Variants in AGAP1 observed in about 807,000 individuals in gnomAD.
AGAP1 encodes arf-GAP with GTPase, ANK repeat and PH domain-containing protein 1.
AGAP1 carries 29 observed loss-of-function variants against 105.3 expected under a neutral mutation model. The observed-to-expected ratio is 0.28, with a 90% CI of 0.21 to 0.38. The LOEUF (loss-of-function observed/expected upper bound fraction) is 0.38. Ranked by LOEUF, AGAP1 falls within the 10% of genes least tolerant of loss-of-function variation. AGAP1 has a pLI of 1.00. For synonymous variants in AGAP1, 509 were observed against 485.9 expected, an observed-to-expected ratio of 1.05 and a Z score of -0.63; for missense variants, 998 against 1,165.1, an observed-to-expected ratio of 0.86 and a Z score of 2.09.
In AGAP1 at chr2:235,999,533, G is replaced by A. The variant is rs374357346; in HGVS notation, c.1645+30910G>A. ...TGATGGTGGTGGTGGTGGTGATGAT[G>A]ATGATAGTGGTGATGGTGATGTTGG... On this transcript the variant is annotated intron_variant, in intron 13 of 17. Transcript: ENST00000304032. Among the ~76,000 whole-genome samples the A allele has an allele frequency of 2.2e-4, 34 of 151,158 alleles. No homozygotes were observed. The East Asian group carries it at 3.1e-3, about 14-fold the overall frequency.
intron 3 of AGAP1, among the ~76,000 whole-genome samples, chr2:235,735,117 G>A (rs773545583): frequency 2.0e-5 from 3 of 152,036 alleles, no homozygotes; most frequent in East Asian, 1.9e-4. Context: ...GATGGGGTGC[G>A]GGCTAACAGA....
chr2:235,645,410 T>C (rs957599630), intron 1 of AGAP1, among the ~76,000 whole-genome samples: 3 of 152,174 alleles, frequency 2.0e-5, no homozygotes, highest in Non-Finnish European at 4.4e-5. Context: ...TTGTATTTAT[T>C]AGGGCACTAT....
rs879649272 is a variant in AGAP1, at chr2:235,721,372, A to G, written c.310+3728A>G. 7.9e-5 allele frequency among the ~76,000 whole-genome samples: 12 copies of G among 152,344 alleles called. No individual in the cohort carries two copies. Among genetic ancestry groups the G allele is most frequent in the East Asian group, 3.9e-4 (2 of 5,184 alleles). On this transcript the variant is annotated intron_variant, in intron 3 of 17. Coordinates refer to ENST00000304032, the MANE Select transcript of AGAP1 (RefSeq NM_001037131.3). The surrounding 1 kb of genome is among the most constrained non-coding windows in gnomAD (Gnocchi z 4.5). ...AAGGATATAAATATTCTGTTTTTCAATTAGTGAATTAACAACACAAAAGTG... is the reference window on the plus strand; with the variant it reads ...AAGGATATAAATATTCTGTTTTTCAGTTAGTGAATTAACAACACAAAAGTG...
At chr2:235,770,066 C>A (rs1188588779) in intron 6 of AGAP1, among the ~76,000 whole-genome samples, 1 of 151,966 alleles carries the variant, frequency 6.6e-6, no homozygotes, top group Non-Finnish European at 1.5e-5. Context: ...AAGTAAAAAT[C>A]ACCTATAATC....
At position 236,042,529 on chromosome 2, in the gene AGAP1, A is replaced by G. The variant is rs13386306; in HGVS notation, c.1891+1688A>G. ...AAGTTTTAAAAGTAAGAGCTTTTTT[A>G]AAAGCACGAATCTGAGAAATATTAG... is the stretch of plus-strand genomic sequence containing the variant. On this transcript the variant is annotated intron_variant, in intron 15 of 17. Transcript: ENST00000304032. This position sits in a 1 kb window ranked among gnomAD's most constrained non-coding sequence, Gnocchi z 5.6. Among the ~76,000 whole-genome samples the G allele has an allele frequency of 0.015, 2,332 of 152,356 alleles. 61 individuals are homozygous for G. Among genetic ancestry groups the G allele is most frequent in the African/African-American group, 0.053 (2,211 of 41,582 alleles).
intron 16 of AGAP1, among the ~76,000 whole-genome samples, chr2:236,102,649 G>C (rs1378691406): frequency 7.9e-5 from 12 of 151,826 alleles, no homozygotes; most frequent in Admixed American, 7.9e-4. Context: ...AAAGGTGCCT[G>C]TGTTAAATGC....
At position 236,056,380 on chromosome 2, in the gene AGAP1, T is replaced by TC. The variant is rs1299539573; in HGVS notation, c.2114+7100dup. On this transcript the variant is annotated intron_variant, in intron 16 of 17. Transcript: ENST00000304032. This position sits in a 1 kb window ranked among gnomAD's most constrained non-coding sequence, Gnocchi z 4.6. ...TCATTTACGTTCTGAAATACGGCCG[T>TC]CGTGACAATTAAGGAGTTTCTGATG... 1.3e-5 allele frequency among the ~76,000 whole-genome samples: 2 copies of TC among 152,118 alleles called. No homozygotes were observed. Among genetic ancestry groups the TC allele is most frequent in the Non-Finnish European group, 2.9e-5 (2 of 68,028 alleles).
chr2:235,637,992 T>C (rs12328363), intron 1 of AGAP1, among the ~76,000 whole-genome samples: 112,145 of 152,052 alleles, frequency 0.74, 41,639 homozygotes, highest in African/African-American at 0.83. Context: ...TGAGGCAGAT[T>C]ATCTTTACTC....
chr2:235,982,322 G>T lies in AGAP1; in HGVS notation c.1645+13699G>T, dbSNP rs2055133427. On this transcript the variant is annotated intron_variant, in intron 13 of 17. Coordinates refer to ENST00000304032, the MANE Select transcript of AGAP1 (RefSeq NM_001037131.3). The surrounding 1 kb of genome is among the most constrained non-coding windows in gnomAD (Gnocchi z 4.9). Reference sequence around the variant, plus strand: ...AATTAACATATAATTACCTCAACGGGCCAATTAATTAAGCAATTTAAGATC... The same window carrying T: ...AATTAACATATAATTACCTCAACGGTCCAATTAATTAAGCAATTTAAGATC... 2.0e-5 allele frequency among the ~76,000 whole-genome samples: 3 copies of T among 146,506 alleles called. No individual in the cohort carries two copies. Among genetic ancestry groups the T allele is most frequent in the Admixed American group, 1.3e-4 (2 of 15,210 alleles).
intron 12 of AGAP1, among the ~76,000 whole-genome samples, chr2:235,966,689 G>A (rs2054415588): frequency 6.6e-6 from 1 of 152,134 alleles, no homozygotes; most frequent in Non-Finnish European, 1.5e-5. Context: ...ATGGTGTCCA[G>A]TGCTGCCTGG....
At chr2:235,999,910 G>C (rs1309490765) in intron 13 of AGAP1, among the ~76,000 whole-genome samples, 1 of 152,076 alleles carries the variant, frequency 6.6e-6, no homozygotes, top group Non-Finnish European at 1.5e-5. Context: ...TGCTCCTGAT[G>C]TGTGCCCATA....
intron 12 of AGAP1, among the ~76,000 whole-genome samples, chr2:235,941,325 A>G (rs1014407808): frequency 6.6e-6 from 1 of 152,190 alleles, no homozygotes; most frequent in Non-Finnish European, 1.5e-5. Flanking sequence ...ATTTCACAAC[A>G]ATTTAATTTC....
intron 1 of AGAP1, among the ~76,000 whole-genome samples, chr2:235,542,577 G>A (rs565668430): frequency 2.0e-5 from 3 of 148,706 alleles, no homozygotes; most frequent in African/African-American, 7.8e-5. Context: ...ACATACCTTT[G>A]ATGTGTCCAT....
At chr2:235,658,272 GC>G (rs1947838091) in intron 1 of AGAP1, among the ~76,000 whole-genome samples, 1 of 152,112 alleles carries the variant, frequency 6.6e-6, no homozygotes, top group African/African-American at 2.4e-5. Context: ...TCTATTACCA[GC>G]TTTAGAAATA....
At chr2:235,956,231 C>G (rs1270644905) in intron 12 of AGAP1, among the ~76,000 whole-genome samples, 4 of 152,192 alleles carry the variant, frequency 2.6e-5, no homozygotes, top group Non-Finnish European at 4.4e-5. Context: ...TTCATTTCCA[C>G]CTAACAGCGC....
chr2:235,592,917 C>T (rs1363783543), intron 1 of AGAP1, among the ~76,000 whole-genome samples: 1 of 152,060 alleles, frequency 6.6e-6, no homozygotes, highest in Admixed American at 6.6e-5. Context: ...AGACACCTGG[C>T]ATCTCAAAAT....
rs1022695290 is a variant in AGAP1, at chr2:235,981,621, A to G, written c.1645+12998A>G. ...TCTATTAGCAATAATATCACTATCAATTATTGACCACTGCCATGTGTCAGG... is the reference window on the plus strand; with the variant it reads ...TCTATTAGCAATAATATCACTATCAGTTATTGACCACTGCCATGTGTCAGG... On this transcript the variant is annotated intron_variant, in intron 13 of 17. Coordinates refer to ENST00000304032, the MANE Select transcript of AGAP1 (RefSeq NM_001037131.3). The surrounding 1 kb of genome is among the most constrained non-coding windows in gnomAD (Gnocchi z 5.5). 6.6e-6 allele frequency among the ~76,000 whole-genome samples: 1 copy of G among 152,228 alleles called. No individual in the cohort carries two copies. Among genetic ancestry groups the G allele is most frequent in the African/African-American group, 2.4e-5 (1 of 41,458 alleles).
At position 235,621,894 on chromosome 2, in the gene AGAP1, C is replaced by T. The variant is rs554584201; in HGVS notation, c.164-87285C>T. On this transcript the variant is annotated intron_variant, in intron 1 of 17. Coordinates refer to ENST00000304032, the MANE Select transcript of AGAP1 (RefSeq NM_001037131.3). The surrounding 1 kb of genome is among the most constrained non-coding windows in gnomAD (Gnocchi z 4.1). ...GAGGGGTGCGATCGGAAGGGAGTGC[C>T]GCGCAGACCCCCCCACCCCCTCAGA... Among the ~76,000 whole-genome samples the T allele has an allele frequency of 9.4e-4, 121 of 128,056 alleles. 2 individuals carry two copies. Among genetic ancestry groups the T allele is most frequent in the Non-Finnish European group, 1.7e-3 (95 of 55,396 alleles). The allele number at this position is 128,056 out of a possible 152,430, so 84.0% of individuals were successfully genotyped here.
chr2:235,587,988 G>T (rs375124572), intron 1 of AGAP1, among the ~76,000 whole-genome samples: 15 of 152,114 alleles, frequency 9.9e-5, no homozygotes, highest in African/African-American at 3.6e-4. Context: ...CCAGCACTTT[G>T]GGAGGCCGAC....
Sources: gnomAD v4.1 joint callset for allele counts (sites outside exome capture counted in the v4.1 genomes callset) on GRCh38, gnomAD v4.1.1 for gene constraint, Gnocchi (gnomAD v3.1) non-coding constraint, MANE v1.5 for transcripts, NCBI Gene and HGNC (gene_info 2026-07-23, HGNC 2026-07-21) for gene names.